GOLGA4: variants seen among roughly 807,000 people sequenced by gnomAD.
GOLGA4 encodes the protein golgin A4, also known as golgin subfamily A member 4.
Under a neutral mutation model 265.9 loss-of-function variants are expected in GOLGA4, and 169 were observed. The ratio of observed to expected loss-of-function variants is 0.64; its 90% confidence interval spans 0.56 to 0.72. The LOEUF (loss-of-function observed/expected upper bound fraction) is 0.72. Among genes scored for constraint, GOLGA4 ranks in the 30% least tolerant of loss-of-function variants. GOLGA4 has a pLI of 0.00. For missense variants in GOLGA4, 2,482 were observed against 2,483.4 expected (o/e 1.00, Z 0.01); for synonymous variants, 923 against 855.8 (o/e 1.08, Z -1.37).
chr3:37,300,752 T>G (rs1319536911), intron 9 of GOLGA4, among the ~76,000 whole-genome samples: 1 of 152,266 alleles, frequency 6.6e-6, no homozygotes, highest in East Asian at 1.9e-4. Flanking sequence ...TATAACCACA[T>G]TATCATGATC....
intron 2 of GOLGA4, among the ~76,000 whole-genome samples, chr3:37,259,083 A>G (rs1380807366): frequency 6.6e-6 from 1 of 152,162 alleles, no homozygotes; most frequent in Admixed American, 6.5e-5. Flanking sequence ...GGTAGAATCT[A>G]CCATTGAAAT....
intron 4 of GOLGA4, chr3:37,287,408 T>C (rs2096852564): frequency 6.6e-6 from 1 of 152,252 alleles, no homozygotes; most frequent in Admixed American, 6.5e-5. Flanking sequence ...AGAAACCTTT[T>C]AAAATAGGCA....
intron 11 of GOLGA4, among the ~76,000 whole-genome samples, chr3:37,318,092 A>G (rs1021115876): frequency 1.3e-5 from 2 of 152,060 alleles, no homozygotes; most frequent in Admixed American, 6.5e-5. Context: ...CTTTGATCCA[A>G]CTGAAACTTA....
rs557242664 is a variant in GOLGA4, at chr3:37,320,569, T to A, written c.1546-1162T>A. Among the ~76,000 whole-genome samples the A allele has an allele frequency of 2.0e-5, 3 of 152,328 alleles. No homozygotes were observed. In the South Asian group the frequency reaches 6.2e-4, roughly 32 times the overall value. On this transcript the variant is annotated intron_variant, in intron 12 of 23. Transcript: ENST00000361924. ...TTACACATATATGGGCACATATTTG[T>A]TTTCTTTGTTGATCCAGAAAAGAAT...
intron 2 of GOLGA4, among the ~76,000 whole-genome samples, chr3:37,259,842 T>TTAGA (rs1027164209): frequency 1.2e-4 from 19 of 152,328 alleles, no homozygotes; most frequent in African/African-American, 4.6e-4. Flanking sequence ...CTAGAGAAAG[T>TTAGA]TAGATACCTT....
At chr3:37,344,645 A>G (rs534293509) in intron 20 of GOLGA4, among the ~76,000 whole-genome samples, 1 of 152,058 alleles carries the variant, frequency 6.6e-6, no homozygotes, top group African/African-American at 2.4e-5. Flanking sequence ...CACTATCTTA[A>G]TAACTGTCAC....
chr3:37,263,587 T>C (rs2096775772), intron 2 of GOLGA4, among the ~76,000 whole-genome samples: 1 of 152,200 alleles, frequency 6.6e-6, no homozygotes, highest in African/African-American at 2.4e-5. Context: ...TCTCACACTC[T>C]CATATATGTA....
chr3:37,248,979 C>T (rs754940994), intron 1 of GOLGA4, among the ~76,000 whole-genome samples: 1 of 152,172 alleles, frequency 6.6e-6, no homozygotes, highest in Non-Finnish European at 1.5e-5. Flanking sequence ...AGAGGTATTT[C>T]CTGTGGTCTA....
Position 37,326,905 on chromosome 3 carries a change from T to A in GOLGA4, c.5019T>A (p.His1673Gln), listed in dbSNP as rs199693318. 1 of 1,613,798 alleles carries A rather than the reference T, an allele frequency of 6.2e-7. No individual in the cohort carries two copies. The highest frequency in any genetic ancestry group is 2.2e-5 in the East Asian group (1 of 44,866). Reference sequence around the variant, plus strand: ...AGTATAAAAAAGGTACAGAAAGCCATTTGAGTGAGCTAAATACAAAATTGC... The same window carrying A: ...AGTATAAAAAAGGTACAGAAAGCCAATTGAGTGAGCTAAATACAAAATTGC... ...EEQYKKGTES[H>Q]LSELNTKLQE... The change falls in exon 14 of 24, where the codon CAT becomes CAA. Residue 1673 changes from histidine to glutamine, a missense_variant. Coordinates refer to ENST00000361924, the MANE Select transcript of GOLGA4 (RefSeq NM_002078.5).
intron 14 of GOLGA4, among the ~76,000 whole-genome samples, chr3:37,328,031 G>T (rs1204746523): frequency 6.6e-6 from 1 of 151,830 alleles, no homozygotes; most frequent in Non-Finnish European, 1.5e-5. Context: ...ATTTAGGAGA[G>T]AAAAACCTTT....
At chr3:37,315,351 G>T in intron 10 of GOLGA4, 69 bp from the exon 11 acceptor site, 2 of 1,335,954 alleles carry the variant, frequency 1.5e-6, no homozygotes, top group South Asian at 2.7e-5. Flanking sequence ...CTCAAAAATT[G>T]AATGTAAAAC....
chr3:37,362,780 C>CTTATTTTTTTTTTTTTTT (rs1696419802), intron 23 of GOLGA4, among the ~76,000 whole-genome samples: 1 of 75,464 alleles, frequency 1.3e-5, no homozygotes, highest in Non-Finnish European at 2.8e-5. Context: ...AGCCTCTAAG[C>CTTATTTTTTTTTTTTTTT]TTTTTTTTTT....
rs749899532 is a variant in GOLGA4, at chr3:37,327,168, A to G, written c.5282A>G (p.Glu1761Gly). Residue 1761 changes from glutamate to glycine, a missense_variant, in exon 14 of 24, where the codon GAG becomes GGG. Transcript: ENST00000361924. ...CAGAGGGTAGGGCAGGAAAAAGAAG[A>G]GACAGTTTCTTCTCATTTTGAAATG... ...LLQRVGQEKE[E>G]TVSSHFEMRC... 6.2e-7 allele frequency: 1 copy of G among 1,613,904 alleles called. No individual in the cohort carries two copies. The highest frequency in any genetic ancestry group is 8.5e-7 in the Non-Finnish European group (1 of 1,179,860).
rs143677373 is a variant in GOLGA4 at position 37,325,483 on chromosome 3, A to G, written c.3597A>G (p.Leu1199=). Residue 1199 remains leucine, a synonymous_variant, in exon 14 of 24, where the codon CTA becomes CTG. Transcript: ENST00000361924. ...KSSHEKSNKS[L]EDKSLEFKKL... ...CACATGAAAAAAGTAACAAAAGCCTAGAGGACAAGAGCTTGGAATTTAAAA... is the reference window on the plus strand; with the variant it reads ...CACATGAAAAAAGTAACAAAAGCCTGGAGGACAAGAGCTTGGAATTTAAAA... The G allele has an allele frequency of 8.6e-5, 139 of 1,613,002 alleles. No homozygotes were observed. The highest frequency in any genetic ancestry group is 1.1e-4 in the Non-Finnish European group (129 of 1,179,538).
intron 5 of GOLGA4, among the ~76,000 whole-genome samples, chr3:37,294,107 G>C (rs975157431): frequency 1.3e-5 from 2 of 152,294 alleles, no homozygotes; most frequent in East Asian, 3.9e-4. Context: ...GTAATTACTG[G>C]TGGCTGGTTT....
At chr3:37,294,958 G>T in intron 5 of GOLGA4, 21 bp from the exon 6 acceptor site, 2 of 1,505,540 alleles carry the variant, frequency 1.3e-6, no homozygotes, top group Non-Finnish European at 1.8e-6. Flanking sequence ...AAAATTACCT[G>T]TAAATCATTT....
chr3:37,280,114 A>G (rs2096830865), intron 2 of GOLGA4, among the ~76,000 whole-genome samples: 1 of 152,312 alleles, frequency 6.6e-6, no homozygotes, highest in Middle Eastern at 3.4e-3. Context: ...CTTAACAGCT[A>G]TTACAGATAT....
chr3:37,275,664 G>A (rs562925319), intron 2 of GOLGA4: 19 of 1,611,024 alleles, frequency 1.2e-5, no homozygotes, highest in Non-Finnish European at 1.5e-5. Context: ...TTGCCAGCGG[G>A]GTGGGCGCGG....
intron 20 of GOLGA4, among the ~76,000 whole-genome samples, chr3:37,340,707 T>C (rs909434728): frequency 2.6e-5 from 4 of 152,236 alleles, no homozygotes; most frequent in Admixed American, 2.6e-4. Flanking sequence ...GGTATTTGCC[T>C]TTCTTCACCT....
Sources: gnomAD v4.1 joint callset for allele counts (sites outside exome capture counted in the v4.1 genomes callset) on GRCh38, gnomAD v4.1.1 for gene constraint, MANE v1.5 for transcripts, NCBI Gene and HGNC (gene_info 2026-07-23, HGNC 2026-07-21) for gene names.